XIRP2: variants seen among roughly 807,000 people sequenced by gnomAD.
XIRP2 encodes xin actin binding repeat containing 2.
Under a neutral mutation model 277.0 loss-of-function variants are expected in XIRP2, and 236 were observed. The ratio of observed to expected loss-of-function variants is 0.85; its 90% CI spans 0.77 to 0.95. The LOEUF (loss-of-function observed/expected upper bound fraction) is 0.95. Ranked by LOEUF, XIRP2 falls within the 40% of genes least tolerant of loss-of-function variation. The pLI is 0.00. For missense variants in XIRP2, 4,640 were observed against 4,157.5 expected, an observed-to-expected ratio of 1.12 and a Z score of -3.19; for synonymous variants, 1,490 against 1,416.5, an observed-to-expected ratio of 1.05 and a Z score of -1.17.
At position 167,245,557 on chromosome 2, in the gene XIRP2, T is replaced by A; in HGVS notation, c.4165T>A (p.Tyr1389Asn). The A allele has an allele frequency of 6.2e-7, 1 of 1,613,652 alleles. No homozygotes were observed. The highest frequency in any genetic ancestry group is 8.5e-7 in the Non-Finnish European group (1 of 1,179,736). Residue 1389 changes from tyrosine to asparagine, a missense_variant, in exon 9 of 11, where the codon TAC becomes AAC. Transcript: ENST00000409195. ...GAAGGGAGATGTTAGTTCTGTCAGA[T>A]ACAGATTTGAAACTCAGCCACTGGA... Reference protein sequence around the residue: ...IQKGDVSSVRYRFETQPLDQI... With the variant: ...IQKGDVSSVRNRFETQPLDQI...
intron 2 of XIRP2, among the ~76,000 whole-genome samples, chr2:166,939,027 G>C (rs1379599083): frequency 6.6e-6 from 1 of 152,148 alleles, no homozygotes; most frequent in Non-Finnish European, 1.5e-5. Flanking sequence ...CACACTGATG[G>C]ATCTTGACTC....
At chr2:167,124,544 G>T (rs1052043703) in intron 2 of XIRP2, 1 of 152,142 alleles carries the variant, frequency 6.6e-6, no homozygotes, top group Non-Finnish European at 1.5e-5. Flanking sequence ...TTCAAAGAAA[G>T]CAGTATGTTA....
chr2:166,908,800 G>A (rs1684612297), intron 2 of XIRP2, among the ~76,000 whole-genome samples: 1 of 152,202 alleles, frequency 6.6e-6, no homozygotes, highest in South Asian at 2.1e-4. Flanking sequence ...CATATAAGGT[G>A]TAGGGAAGGG....
intron 2 of XIRP2, among the ~76,000 whole-genome samples, chr2:166,966,831 T>C (rs1404208694): frequency 6.6e-6 from 1 of 152,040 alleles, no homozygotes; most frequent in African/African-American, 2.4e-5. Flanking sequence ...ACAGCTTGCA[T>C]AGAGTCTAAG....
At position 167,243,781 on chromosome 2, in the gene XIRP2, A is replaced by G. The variant is rs774186192; in HGVS notation, c.2389A>G (p.Met797Val). Residue 797 changes from methionine (M) to valine (V), a missense_variant, in exon 9 of 11, where the codon ATG becomes GTG. Transcript: ENST00000409195. The part of the protein sequence containing the change: ...TEIKVVRGIS[M>V]EENVKGGVSK... ...AATTAAAGTTGTCCGAGGAATATCC[A>G]TGGAAGAAAATGTCAAAGGTGGGGT... 2 of 1,614,094 alleles carry G rather than the reference A, an allele frequency of 1.2e-6. No individual in the cohort carries two copies. Among genetic ancestry groups the G allele is most frequent in the Non-Finnish European group, 1.7e-6 (2 of 1,179,972 alleles).
intron 5 of XIRP2, among the ~76,000 whole-genome samples, chr2:167,232,674 G>A (rs927402668): frequency 1.3e-5 from 2 of 151,876 alleles, no homozygotes; most frequent in Non-Finnish European, 2.9e-5. Context: ...TTGTAGCACT[G>A]GTGAGCCAGG....
chr2:167,221,583 G>A (rs1280683617), intron 5 of XIRP2, among the ~76,000 whole-genome samples: 1 of 151,298 alleles, frequency 6.6e-6, no homozygotes, highest in Non-Finnish European at 1.5e-5. Context: ...CAGGGAAAAT[G>A]TAGAAAAACT....
intron 2 of XIRP2, among the ~76,000 whole-genome samples, chr2:167,023,836 C>T (rs1252998067): frequency 6.6e-6 from 1 of 152,018 alleles, no homozygotes; most frequent in Non-Finnish European, 1.5e-5. Flanking sequence ...GGTACCAGTA[C>T]CATGCTGTTT....
At chr2:167,091,917 C>T (rs1413329831) in intron 2 of XIRP2, among the ~76,000 whole-genome samples, 4 of 152,076 alleles carry the variant, frequency 2.6e-5, no homozygotes. Flanking sequence ...AGGGTCCAAT[C>T]CCAAAGTCTA....
chr2:167,200,946 T>A (rs574212421), intron 3 of XIRP2, among the ~76,000 whole-genome samples: 1 of 151,732 alleles, frequency 6.6e-6, no homozygotes, highest in Admixed American at 6.6e-5. Flanking sequence ...GCCAACATGG[T>A]GAAACTCTGT....
At position 166,894,822 on chromosome 2, in the gene XIRP2, T is replaced by A. The variant is rs376772670; in HGVS notation, c.-19+6265T>A. 9.8e-5 allele frequency among the ~76,000 whole-genome samples: 15 copies of A among 152,298 alleles called. 1 individual carries two copies. In the East Asian group the frequency reaches 2.9e-3, roughly 29 times the overall value. ...TTAATAAAATAGCTACACAAACAAA[T>A]GTGTAATTGTAGTTTTGACAATGTG... On this transcript the variant is annotated intron_variant, in intron 1 of 10. Transcript: ENST00000409195.
At chr2:166,905,533 AACC>A (rs1450991777) in intron 2 of XIRP2, among the ~76,000 whole-genome samples, 2 of 151,980 alleles carry the variant, frequency 1.3e-5, no homozygotes, top group African/African-American at 2.4e-5. Context: ...GATATATTAA[AACC>A]ACCATTTGCC....
At chr2:166,888,977 C>T (rs544317781) in intron 1 of XIRP2, among the ~76,000 whole-genome samples, 6 of 152,262 alleles carry the variant, frequency 3.9e-5, no homozygotes, top group Non-Finnish European at 5.9e-5. Flanking sequence ...TTTCTTCCTT[C>T]GTTCCATTGA....
In XIRP2 at chr2:167,245,945, C is replaced by T; in HGVS notation, c.4553C>T (p.Pro1518Leu). The T allele has an allele frequency of 6.2e-7, 1 of 1,613,670 alleles. No homozygotes were observed. Among genetic ancestry groups the T allele is most frequent in the South Asian group, 1.1e-5 (1 of 91,056 alleles). Residue 1518 changes from proline to leucine, a missense_variant, in exon 9 of 11, where the codon CCT (proline) becomes CTT (leucine). By Grantham distance (98) the Pro-to-Leu change is moderately conservative. Transcript: ENST00000409195. ...GITKMTKEEIPPSDVKTTTWL... is the reference protein window; with the variant it reads ...GITKMTKEEILPSDVKTTTWL... ...ACAAAAATGACCAAGGAAGAAATCC[C>T]TCCTTCTGATGTCAAAACAACCACA...
Position 167,007,703 on chromosome 2 carries a change from T to TCACA in XIRP2, c.408+103846_408+103849dup, listed in dbSNP as rs57336666. The stretch of plus-strand genomic sequence containing the variant: ...CACTCTCTCTCTCTCTCTCTCTCTC[T>TCACA]CACACACACACACACACACACACAC... On this transcript the variant is annotated intron_variant, in intron 2 of 10. Coordinates refer to ENST00000409195, the MANE Select transcript of XIRP2 (RefSeq NM_152381.6). 2.9e-3 allele frequency among the ~76,000 whole-genome samples: 374 copies of TCACA among 130,142 alleles called. 2 individuals are homozygous for TCACA. Among genetic ancestry groups the TCACA allele is most frequent in the African/African-American group, 6.4e-3 (228 of 35,704 alleles). The allele number at this position is 130,142 out of a possible 152,430, so 85.4% of individuals were successfully genotyped here. A position where few individuals can be genotyped will look rare whatever the true frequency, so the allele number is the denominator to read the frequency against.
rs201859717 is a variant in XIRP2, at chr2:167,258,553, T to A, written c.*736T>A. ...ACAATAATGTGATTGTGCAGAGTGC[T>A]GAAAAGGAGAAAAATGAAAAAACTA... On this transcript the variant is annotated 3_prime_UTR_variant, in exon 11 of 11. Coordinates refer to ENST00000409195, the MANE Select transcript of XIRP2 (RefSeq NM_152381.6). The A allele has an allele frequency of 5.0e-5, 80 of 1,612,940 alleles. No individual in the cohort carries two copies. Among genetic ancestry groups the A allele is most frequent in the Middle Eastern group, 3.3e-4 (2 of 6,058 alleles).
intron 2 of XIRP2, among the ~76,000 whole-genome samples, chr2:166,946,434 T>G (rs1685865988): frequency 6.6e-6 from 1 of 152,170 alleles, no homozygotes; most frequent in Admixed American, 6.6e-5. Flanking sequence ...TGATTTATTT[T>G]GTTACTCTGA....
intron 2 of XIRP2, among the ~76,000 whole-genome samples, chr2:167,073,281 A>G (rs1689478742): frequency 6.6e-6 from 1 of 152,148 alleles, no homozygotes; most frequent in South Asian, 2.1e-4. Flanking sequence ...GTAAAGCAAT[A>G]TTTACAAGTC....
At chr2:167,051,201 A>T (rs1688906945) in intron 2 of XIRP2, among the ~76,000 whole-genome samples, 1 of 152,102 alleles carries the variant, frequency 6.6e-6, no homozygotes, top group Admixed American at 6.6e-5. Context: ...GTGTCTTCAC[A>T]CTAGACAGAG....
Sources: gnomAD v4.1 joint callset for allele counts (sites outside exome capture counted in the v4.1 genomes callset) on GRCh38, gnomAD v4.1.1 for gene constraint, MANE v1.5 for transcripts, NCBI Gene and HGNC (gene_info 2026-07-23, HGNC 2026-07-21) for gene names.